SRRM4: variants seen among roughly 807,000 people sequenced by gnomAD.
SRRM4 encodes the protein serine/arginine repetitive matrix protein 4.
Under a neutral mutation model 68.9 loss-of-function variants are expected in SRRM4, and 33 were observed. The observed-to-expected ratio is 0.48, with a 90% CI of 0.36 to 0.64. The LOEUF is 0.64. Among genes scored for constraint, SRRM4 ranks in the 30% least tolerant of loss-of-function variants. The pLI is 0.00. For missense variants in SRRM4, 817 were observed against 827.1 expected (o/e 0.99, Z 0.15); for synonymous variants, 318 against 318.8 (o/e 1.00, Z 0.03).
At chr12:118,993,799 T>C (rs1953332250) in intron 1 of SRRM4, 1 of 152,160 alleles carries the variant, frequency 6.6e-6, no homozygotes, top group South Asian at 2.1e-4. Flanking sequence ...TGACAATGGG[T>C]TCATTGTAGG....
At chr12:119,144,792 A>G (rs530767151) in intron 8 of SRRM4, among the ~76,000 whole-genome samples, 163 of 152,284 alleles carry the variant, frequency 1.1e-3, no homozygotes, top group African/African-American at 3.8e-3. Context: ...TTAAAAAAAC[A>G]AAAAACAAAC....
intron 2 of SRRM4, among the ~76,000 whole-genome samples, chr12:119,112,220 C>G (rs1954149124): frequency 6.6e-6 from 1 of 152,128 alleles, no homozygotes; most frequent in Non-Finnish European, 1.5e-5. Context: ...AAGGGACCCT[C>G]TTAGAAATGC....
intron 1 of SRRM4, among the ~76,000 whole-genome samples, chr12:119,011,096 A>C (rs1240675737): frequency 6.6e-6 from 1 of 152,162 alleles, no homozygotes; most frequent in Non-Finnish European, 1.5e-5. Flanking sequence ...GAAGAGGGGG[A>C]TATTTTAGCT....
chr12:119,026,545 T>TTTTA (rs922865697), intron 1 of SRRM4, among the ~76,000 whole-genome samples: 5 of 151,840 alleles, frequency 3.3e-5, no homozygotes, highest in African/African-American at 1.2e-4. Context: ...TAATTTTAAT[T>TTTTA]TTTATTTATT....
intron 7 of SRRM4, among the ~76,000 whole-genome samples, chr12:119,128,022 C>T (rs1321891552): frequency 1.3e-5 from 2 of 152,156 alleles, no homozygotes; most frequent in Non-Finnish European, 2.9e-5. Context: ...TGAGATGAGA[C>T]CAGAACAGTG....
rs370032458 is a variant in SRRM4, at chr12:119,107,131, G to A, written c.278+4749G>A. 2.0e-5 allele frequency among the ~76,000 whole-genome samples: 3 copies of A among 152,214 alleles called. No individual in the cohort carries two copies. In the East Asian group the frequency reaches 5.8e-4, roughly 29 times the overall value. On this transcript the variant is annotated intron_variant, in intron 2 of 12. Transcript: ENST00000267260. ...TTACATTTATTGATTTGCATATGTTGAACCAGCCTTGCATCCCAGGGATGA... is the reference window on the plus strand; with the variant it reads ...TTACATTTATTGATTTGCATATGTTAAACCAGCCTTGCATCCCAGGGATGA...
At chr12:119,006,664 C>T (rs1953418243) in intron 1 of SRRM4, among the ~76,000 whole-genome samples, 1 of 152,224 alleles carries the variant, frequency 6.6e-6, no homozygotes, top group African/African-American at 2.4e-5. Context: ...GGAGCCTGGG[C>T]TGTCTCCCAA....
chr12:119,051,466 T>C (rs1843912083), intron 1 of SRRM4, among the ~76,000 whole-genome samples: 1 of 152,214 alleles, frequency 6.6e-6, no homozygotes, highest in Non-Finnish European at 1.5e-5. Context: ...GCTGCTTTTT[T>C]TCTTAGTTAA....
intron 8 of SRRM4, among the ~76,000 whole-genome samples, chr12:119,141,441 C>T (rs1357745077): frequency 6.6e-6 from 1 of 152,078 alleles, no homozygotes; most frequent in African/African-American, 2.4e-5. Context: ...CTCTCGAGCT[C>T]ACACACCCAG....
At chr12:118,986,471 T>G (rs1010727218) in intron 1 of SRRM4, among the ~76,000 whole-genome samples, 28 of 152,190 alleles carry the variant, frequency 1.8e-4, no homozygotes, top group Non-Finnish European at 3.5e-4. Context: ...GTGGTAGATG[T>G]TCAGTGAATG....
At chr12:119,109,699 T>C (rs1954130678) in intron 2 of SRRM4, among the ~76,000 whole-genome samples, 1 of 152,212 alleles carries the variant, frequency 6.6e-6, no homozygotes, top group African/African-American at 2.4e-5. Context: ...CTACACTGTT[T>C]ATTCTAGTTA....
At chr12:119,146,707 C>T (rs922768380) in intron 9 of SRRM4, among the ~76,000 whole-genome samples, 8 of 152,054 alleles carry the variant, frequency 5.3e-5, no homozygotes, top group East Asian at 1.9e-4. Context: ...GAGGCCGAGG[C>T]GGGTGGATCA....
chr12:119,013,859 A>G (rs1220581272), intron 1 of SRRM4, among the ~76,000 whole-genome samples: 2 of 152,158 alleles, frequency 1.3e-5, no homozygotes, highest in African/African-American at 4.8e-5. Context: ...ATTCCTAGAA[A>G]CGGAATTGTT....
chr12:119,107,069 C>A (rs972288013), intron 2 of SRRM4, among the ~76,000 whole-genome samples: 1 of 151,864 alleles, frequency 6.6e-6, no homozygotes, highest in African/African-American at 2.4e-5. Flanking sequence ...TGAGATAATC[C>A]TGTGGTTTTT....
At chr12:119,089,146 T>C (rs1953998351) in intron 1 of SRRM4, among the ~76,000 whole-genome samples, 1 of 152,104 alleles carries the variant, frequency 6.6e-6, no homozygotes, top group Non-Finnish European at 1.5e-5. Flanking sequence ...TGAGAGCCCA[T>C]CTTAGCATAG....
chr12:119,117,011 A>G lies in SRRM4; in HGVS notation c.437+3A>G. Reference sequence around the variant, plus strand: ...TCCAAGAAACACAAGCGACGCAGGTATTGTCCTTTTTCTCTGCAAACAAGA... The same window carrying G: ...TCCAAGAAACACAAGCGACGCAGGTGTTGTCCTTTTTCTCTGCAAACAAGA... On this transcript the variant is annotated splice_donor_region_variant and intron_variant, in intron 4 of 12. Coordinates refer to ENST00000267260, the MANE Select transcript of SRRM4 (RefSeq NM_194286.4). The G allele has an allele frequency of 6.2e-7, 1 of 1,613,726 alleles. No homozygotes were observed. The highest frequency in any genetic ancestry group is 1.3e-5 in the African/African-American group (1 of 75,044).
At chr12:118,991,195 T>TCTAAAACACCAC (rs1243100371) in intron 1 of SRRM4, among the ~76,000 whole-genome samples, 1 of 152,330 alleles carries the variant, frequency 6.6e-6, no homozygotes, top group East Asian at 1.9e-4. Flanking sequence ...TGAGACCATT[T>TCTAAAACACCAC]CTAAAACACC....
At chr12:119,130,316 A>C (rs955801121) in intron 7 of SRRM4, among the ~76,000 whole-genome samples, 8 of 151,528 alleles carry the variant, frequency 5.3e-5, no homozygotes, top group African/African-American at 1.9e-4. Flanking sequence ...GGATGGTTAG[A>C]TGGAGGGATG....
chr12:119,024,777 C>T (rs1953537323), intron 1 of SRRM4, among the ~76,000 whole-genome samples: 2 of 152,158 alleles, frequency 1.3e-5, no homozygotes, highest in South Asian at 2.1e-4. Flanking sequence ...TTACGTCCAA[C>T]CCAGGCTGAT....
Sources: gnomAD v4.1 joint callset for allele counts (sites outside exome capture counted in the v4.1 genomes callset) on GRCh38, gnomAD v4.1.1 for gene constraint, MANE v1.5 for transcripts, NCBI Gene and HGNC (gene_info 2026-07-23, HGNC 2026-07-21) for gene names.